Variants in NUP153 observed in about 807,000 individuals in gnomAD.
The protein encoded by NUP153 is nucleoporin 153.
In NUP153, 27 loss-of-function variants were observed where a neutral mutation model predicts 134.6. That is an observed-to-expected ratio of 0.20 (90% confidence interval 0.15 to 0.28). NUP153 has a LOEUF of 0.28. Among genes scored for constraint, NUP153 ranks in the 10% least tolerant of loss-of-function variants. The pLI is 1.00. For missense variants in NUP153, 1,821 were observed against 1,731.3 expected, an observed-to-expected ratio of 1.05 and a Z score of -0.92; for synonymous variants, 640 against 623.5, an observed-to-expected ratio of 1.03 and a Z score of -0.40.
In NUP153 at chr6:17,674,887, C is replaced by T; in HGVS notation, c.852+18G>A. The T allele has an allele frequency of 6.6e-7, 1 of 1,513,936 alleles. No homozygotes were observed. Among genetic ancestry groups the T allele is most frequent in the Non-Finnish European group, 8.8e-7 (1 of 1,133,698 alleles). 93.8% of individuals were successfully genotyped at this position (1,513,936 alleles called of 1,614,324 possible). A position where few individuals can be genotyped will look rare whatever the true frequency, so the allele number is the denominator to read the frequency against. The stretch of plus-strand genomic sequence containing the variant: ...AAAAAGAAAAAAAAAGATCATCAAC[C>T]CTTCTATTGGAACCTACCTGATAAG... On this transcript the variant is annotated intron_variant, in intron 5 of 21. Transcript: ENST00000262077.
At chr6:17,622,321 G>A (rs1048745789) in intron 20 of NUP153, among the ~76,000 whole-genome samples, 1 of 152,154 alleles carries the variant, frequency 6.6e-6, no homozygotes, top group African/African-American at 2.4e-5. Flanking sequence ...AAACAGATGG[G>A]TGTAGTGGTG....
At chr6:17,639,753 G>A (rs757614155) in intron 15 of NUP153, among the ~76,000 whole-genome samples, 186 bp downstream of exon 15, 8 of 152,126 alleles carry the variant, frequency 5.3e-5, no homozygotes, top group Non-Finnish European at 1.2e-4. Context: ...TTTCATTTTA[G>A]TATAGAGTCC....
At chr6:17,666,448 A>G (rs1177514260) in intron 8 of NUP153, among the ~76,000 whole-genome samples, 3 of 152,156 alleles carry the variant, frequency 2.0e-5, no homozygotes, top group African/African-American at 7.2e-5. Context: ...CCGGAGGCAG[A>G]GCTTTCAATG....
intron 2 of NUP153, 104 bp downstream of exon 2, chr6:17,688,292 T>C (rs905697569): frequency 1.3e-6 from 1 of 749,604 alleles, no homozygotes; most frequent in Non-Finnish European, 2.2e-6. Context: ...TCTTCCCATA[T>C]GGTTTATGTA....
At chr6:17,694,571 C>T (rs1429006996) in intron 1 of NUP153, among the ~76,000 whole-genome samples, 2 of 152,016 alleles carry the variant, frequency 1.3e-5, no homozygotes, top group South Asian at 2.1e-4. Flanking sequence ...GGGGAAGAAT[C>T]GCTTGAACCT....
intron 2 of NUP153, among the ~76,000 whole-genome samples, chr6:17,679,949 T>C (rs924047729): frequency 3.3e-5 from 5 of 152,188 alleles, no homozygotes; most frequent in African/African-American, 1.2e-4. Flanking sequence ...GCCAGACCAC[T>C]ACTCAAGGTA....
intron 20 of NUP153, among the ~76,000 whole-genome samples, chr6:17,624,243 G>C (rs1764801663): frequency 1.3e-5 from 2 of 152,030 alleles, no homozygotes; most frequent in Non-Finnish European, 1.5e-5. Context: ...TCATAAACAG[G>C]ATCAGAAAAT....
At chr6:17,676,542 A>G (rs1274700114) in intron 2 of NUP153, among the ~76,000 whole-genome samples, 3 of 152,212 alleles carry the variant, frequency 2.0e-5, no homozygotes, top group Admixed American at 2.0e-4. Flanking sequence ...GGCATTTTCA[A>G]AAACTTTAGA....
Position 17,675,567 on chromosome 6 carries a change from TATC to T in NUP153, c.535_537del (p.Asp179del). 6.2e-7 allele frequency: 1 copy of T among 1,614,012 alleles called. No homozygotes were observed. The highest frequency in any genetic ancestry group is 1.3e-5 in the African/African-American group (1 of 75,054). On this transcript the variant is annotated inframe_deletion, in exon 3 of 22. Coordinates refer to ENST00000262077, the MANE Select transcript of NUP153 (RefSeq NM_005124.4). This position sits in a 1 kb window ranked among gnomAD's most constrained non-coding sequence, Gnocchi z 4.4. ...GAAAAACCACTGGTAGTTGAGATGT[TATC>T]ATCATCATGCTGAGAGGTAGAATCT...
chr6:17,663,803 T>C (rs1767346894), intron 9 of NUP153, among the ~76,000 whole-genome samples: 1 of 152,050 alleles, frequency 6.6e-6, no homozygotes, highest in Admixed American at 6.6e-5. Context: ...ACAAGTTAAA[T>C]GACACAAAAA....
At position 17,638,449 on chromosome 6, in the gene NUP153, G is replaced by A. The variant is rs1765675821; in HGVS notation, c.1847-679C>T. On this transcript the variant is annotated intron_variant, in intron 15 of 21. Transcript: ENST00000262077. The surrounding 1 kb of genome is among the most constrained non-coding windows in gnomAD (Gnocchi z 4.0). Reference sequence around the variant, plus strand: ...AGAAATTAAAAGGAGAGAAGATGTAGAAGGTTATTAGAGGTTTTCTAGTTC... The same window carrying A: ...AGAAATTAAAAGGAGAGAAGATGTAAAAGGTTATTAGAGGTTTTCTAGTTC... 2.0e-5 allele frequency among the ~76,000 whole-genome samples: 3 copies of A among 152,062 alleles called. No individual in the cohort carries two copies. In the South Asian group the frequency reaches 6.2e-4, roughly 31 times the overall value.
intron 1 of NUP153, among the ~76,000 whole-genome samples, chr6:17,700,613 C>T (rs1042052593): frequency 6.6e-6 from 1 of 152,178 alleles, no homozygotes; most frequent in African/African-American, 2.4e-5. Flanking sequence ...TCTGAGAACA[C>T]TCCAGCTATC....
chr6:17,615,082 TGTTA>T lies in NUP153; in HGVS notation c.*1011_*1014del, dbSNP rs1764251475. On this transcript the variant is annotated 3_prime_UTR_variant, in exon 22 of 22. Transcript: ENST00000262077. This position sits in a 1 kb window ranked among gnomAD's most constrained non-coding sequence, Gnocchi z 5.7. ...ATGGCATTTATCCCATGGTTTAACATGTTAATTATACTGTAATAAACATGGCTTT... is the reference window on the plus strand; with the variant it reads ...ATGGCATTTATCCCATGGTTTAACATATTATACTGTAATAAACATGGCTTT... 1 of 152,670 alleles carries T rather than the reference TGTTA, an allele frequency of 6.6e-6. No homozygotes were observed. Among genetic ancestry groups the T allele is most frequent in the Admixed American group, 6.5e-5 (1 of 15,278 alleles). The allele number at this position is 152,670 out of a possible 1,614,324, so 9.5% of individuals were successfully genotyped here. A position where few individuals can be genotyped will look rare whatever the true frequency, so the allele number is the denominator to read the frequency against.
At chr6:17,689,886 T>C (rs1581769594) in intron 1 of NUP153, among the ~76,000 whole-genome samples, 1 of 152,296 alleles carries the variant, frequency 6.6e-6, no homozygotes, top group East Asian at 1.9e-4. Flanking sequence ...TTCACTATTA[T>C]TTTTATTGTA....
intron 5 of NUP153, 48 bp downstream of exon 5, chr6:17,674,857 T>A (rs1301592659): frequency 1.6e-5 from 22 of 1,362,430 alleles, no homozygotes; most frequent in Non-Finnish European, 2.1e-5. Flanking sequence ...AGTTAAAGTG[T>A]AAAAAAAAAG....
chr6:17,628,519 C>T lies in NUP153; in HGVS notation c.3544+136G>A. Reference sequence around the variant, plus strand: ...CAAACTGAAAATCCTAGGTTCCTTCCCAAAGAGTTCTGTATTTCTCAACTA... The same window carrying T: ...CAAACTGAAAATCCTAGGTTCCTTCTCAAAGAGTTCTGTATTTCTCAACTA... On this transcript the variant is annotated intron_variant, in intron 18 of 21. Transcript: ENST00000262077. This position sits in a 1 kb window ranked among gnomAD's most constrained non-coding sequence, Gnocchi z 5.4. 1 of 419,070 alleles carries T rather than the reference C, an allele frequency of 2.4e-6. No individual in the cohort carries two copies. The highest frequency in any genetic ancestry group is 3.8e-6 in the Non-Finnish European group (1 of 260,290). The allele number at this position is 419,070 out of a possible 1,614,324, so 26.0% of individuals were successfully genotyped here. A position where few individuals can be genotyped will look rare whatever the true frequency, so the allele number is the denominator to read the frequency against.
chr6:17,668,932 AAT>A, intron 8 of NUP153, 41 bp downstream of exon 8: 1 of 1,361,212 alleles, frequency 7.3e-7, no homozygotes, highest in Non-Finnish European at 1.0e-6. Flanking sequence ...AACACAACAA[AAT>A]TGTAGACAGT....
At chr6:17,617,001 C>T (rs1056548282) in intron 20 of NUP153, among the ~76,000 whole-genome samples, 3 of 152,190 alleles carry the variant, frequency 2.0e-5, no homozygotes, top group African/African-American at 4.8e-5. Flanking sequence ...CTGTCCACCT[C>T]GGCCTCCCAA....
intron 17 of NUP153, among the ~76,000 whole-genome samples, chr6:17,631,205 G>C (rs1406333857): frequency 6.6e-6 from 1 of 151,958 alleles, no homozygotes; most frequent in Non-Finnish European, 1.5e-5. Context: ...CCTACCAGAG[G>C]CAAGTATTAT....
Sources: gnomAD v4.1 joint callset for allele counts (sites outside exome capture counted in the v4.1 genomes callset) on GRCh38, gnomAD v4.1.1 for gene constraint, Gnocchi (gnomAD v3.1) non-coding constraint, MANE v1.5 for transcripts, NCBI Gene and HGNC (gene_info 2026-07-23, HGNC 2026-07-21) for gene names.